The following TMEM177 variants were observed in gnomAD, a reference collection of about 807,000 sequenced individuals.
TMEM177 encodes the protein transmembrane protein 177.
TMEM177 carries 4 observed loss-of-function variants against 14.2 expected under a neutral mutation model. The observed-to-expected ratio is 0.28, with a 90% CI of 0.14 to 0.64. TMEM177 has a LOEUF of 0.64. Ranked by LOEUF, TMEM177 falls within the 30% of genes least tolerant of loss-of-function variation. TMEM177 has a pLI of 0.82. For synonymous variants in TMEM177, 179 were observed against 174.5 expected (o/e 1.03, Z -0.20); for missense variants, 344 against 405.2 (o/e 0.85, Z 1.30).
chr2:119,718,724 G>C, the TMEM177 span, among the ~76,000 whole-genome samples: 2 of 152,158 alleles, frequency 1.3e-5, no homozygotes, highest in African/African-American at 4.8e-5. Flanking sequence ...AACAGTTGAA[G>C]AGAGGAAGAG....
At position 119,682,106 on chromosome 2, in the gene TMEM177, G is replaced by C; in HGVS notation, c.*317G>C. On this transcript the variant is annotated 3_prime_UTR_variant, in exon 2 of 2. Transcript: ENST00000272521. ...ACAAAGGGTGCACTGTAAATAAACA[G>C]ACATCCCTCCTTCTTGGTCGTTTTT... 1.3e-5 allele frequency: 3 copies of C among 230,162 alleles called. No individual in the cohort carries two copies. Among genetic ancestry groups the C allele is most frequent in the East Asian group, 2.0e-4 (2 of 9,932 alleles). 14.3% of individuals were successfully genotyped at this position (230,162 alleles called of 1,614,324 possible).
At chr2:119,699,131 C>T in the TMEM177 span, 2 of 159,336 alleles carry the variant, frequency 1.3e-5, no homozygotes, top group Admixed American at 6.3e-5. Flanking sequence ...TTCACACTGC[C>T]ATAAACAACT....
chr2:119,684,174 G>A (rs569823738), downstream of TMEM177, among the ~76,000 whole-genome samples: 8 of 152,234 alleles, frequency 5.3e-5, no homozygotes, highest in African/African-American at 1.7e-4. Flanking sequence ...TAGCCTCACT[G>A]CAGTTTGGTT....
downstream of TMEM177, chr2:119,685,596 A>G: frequency 1.4e-6 from 1 of 713,510 alleles, no homozygotes; most frequent in South Asian, 1.5e-5. Context: ...TTTTAGAGAC[A>G]TTTTCTCATT....
chr2:119,717,046 T>A, the TMEM177 span, among the ~76,000 whole-genome samples: 29 of 152,356 alleles, frequency 1.9e-4, 1 homozygote, highest in South Asian at 6.0e-3. Context: ...TTTCTCTTTA[T>A]GGTTAATACA....
At chr2:119,708,676 TACAC>T in the TMEM177 span, among the ~76,000 whole-genome samples, 1 of 88,508 alleles carries the variant, frequency 1.1e-5, no homozygotes, top group Admixed American at 1.1e-4. Context: ...CACACACACA[TACAC>T]ACACACACAG....
At chr2:119,693,536 C>T in the TMEM177 span, among the ~76,000 whole-genome samples, 1 of 152,126 alleles carries the variant, frequency 6.6e-6, no homozygotes, top group Admixed American at 6.5e-5. Context: ...CCACTCAGAC[C>T]GTCCACAGGC....
At position 119,681,147 on chromosome 2, in the gene TMEM177, C is replaced by A. The variant is rs928000658; in HGVS notation, c.294C>A (p.Leu98=). ...CTGTGAGTGCAGGCTTCCCAAGACT[C>A]CCTGCTGGGGCTGTGGTGGGCATCC... ...FQPVSAGFPR[L]PAGAVVGIPA... The change falls in exon 2 of 2, where the codon CTC becomes CTA. Residue 98 remains leucine, a synonymous_variant. Transcript: ENST00000272521. 2 of 1,614,244 alleles carry A rather than the reference C, an allele frequency of 1.2e-6. No individual in the cohort carries two copies. Among genetic ancestry groups the A allele is most frequent in the East Asian group, 4.5e-5 (2 of 44,892 alleles).
chr2:119,715,540 G>C, the TMEM177 span, among the ~76,000 whole-genome samples: 1 of 151,960 alleles, frequency 6.6e-6, no homozygotes, highest in East Asian at 1.9e-4. Flanking sequence ...CAAGATCCCC[G>C]CCTCTGGAAG....
the TMEM177 span, among the ~76,000 whole-genome samples, chr2:119,691,557 C>T: frequency 2.6e-5 from 4 of 152,144 alleles, no homozygotes; most frequent in Non-Finnish European, 5.9e-5. Context: ...ATGTTGCTGA[C>T]GCCCCTGCCA....
chr2:119,682,849 G>T (rs1451247860), downstream of TMEM177, among the ~76,000 whole-genome samples: 1 of 152,142 alleles, frequency 6.6e-6, no homozygotes, highest in Admixed American at 6.5e-5. Context: ...GAGGGGTGGA[G>T]GTGGGCAGTG....
chr2:119,697,530 CAGAG>C, the TMEM177 span, among the ~76,000 whole-genome samples: 1 of 152,206 alleles, frequency 6.6e-6, no homozygotes, highest in East Asian at 1.9e-4. Context: ...GCCAGGGCAA[CAGAG>C]AGACTCTATC....
At chr2:119,704,762 T>A in the TMEM177 span, among the ~76,000 whole-genome samples, 1 of 152,210 alleles carries the variant, frequency 6.6e-6, no homozygotes, top group African/African-American at 2.4e-5. Context: ...TGGGAGGAGC[T>A]GACTTAATTT....
chr2:119,684,882 A>G (rs1393653972), downstream of TMEM177, among the ~76,000 whole-genome samples: 1 of 152,136 alleles, frequency 6.6e-6, no homozygotes, highest in Non-Finnish European at 1.5e-5. Flanking sequence ...GTCCCTACAC[A>G]CAGGTCAGAG....
the TMEM177 span, among the ~76,000 whole-genome samples, chr2:119,704,328 GTT>G: frequency 6.6e-6 from 1 of 152,174 alleles, no homozygotes; most frequent in Non-Finnish European, 1.5e-5. Flanking sequence ...GGCCAGGCAT[GTT>G]GTCTCACGCC....
chr2:119,715,873 C>T, the TMEM177 span, among the ~76,000 whole-genome samples: 2 of 152,280 alleles, frequency 1.3e-5, no homozygotes, highest in Admixed American at 6.5e-5. Flanking sequence ...GAGAAGCAGA[C>T]GGGCCAGCAG....
chr2:119,722,898 T>C, the TMEM177 span, among the ~76,000 whole-genome samples: 2 of 152,240 alleles, frequency 1.3e-5, no homozygotes, highest in African/African-American at 4.8e-5. Flanking sequence ...CTAAGGATTA[T>C]GCAACTGTGT....
At chr2:119,706,489 G>C in the TMEM177 span, among the ~76,000 whole-genome samples, 1 of 152,172 alleles carries the variant, frequency 6.6e-6, no homozygotes, top group African/African-American at 2.4e-5. Context: ...TGAGTGGCTA[G>C]CGCTGGGCCA....
downstream of TMEM177, chr2:119,685,838 G>C: frequency 1.6e-6 from 1 of 626,458 alleles, no homozygotes. Context: ...GGACTCCATA[G>C]CCCTTTTCCT....
Sources: allele counts gnomAD v4.1 joint callset (sites outside exome capture counted in the v4.1 genomes callset), GRCh38; gene constraint gnomAD v4.1.1; transcripts MANE v1.5; gene names NCBI Gene and HGNC (gene_info 2026-07-23, HGNC 2026-07-21).